The following RMDN2 variants were observed in gnomAD, a reference collection of about 807,000 sequenced individuals.
The protein encoded by RMDN2 is regulator of microtubule dynamics protein 2.
Under a neutral mutation model 52.8 loss-of-function variants are expected in RMDN2, and 61 were observed. That is an observed-to-expected ratio of 1.16 (90% confidence interval 0.94 to 1.43). RMDN2 has a LOEUF of 1.43. RMDN2 is among the 40% of genes most tolerant of loss of function. RMDN2 has a pLI of 0.00. For synonymous variants in RMDN2, 180 were observed against 153.1 expected (o/e 1.18, Z -1.30); for missense variants, 592 against 475.3 (o/e 1.25, Z -2.28).
intron 2 of RMDN2, among the ~76,000 whole-genome samples, chr2:37,963,418 A>T (rs1184267918): frequency 6.6e-6 from 1 of 151,466 alleles, no homozygotes; most frequent in Non-Finnish European, 1.5e-5. Flanking sequence ...CAGCAGATAA[A>T]CAAGTGAACA....
intron 2 of RMDN2, among the ~76,000 whole-genome samples, chr2:37,965,470 T>G (rs1670916777): frequency 6.6e-6 from 1 of 152,024 alleles, no homozygotes; most frequent in South Asian, 2.1e-4. Context: ...TCATACCAAC[T>G]TAATTTTAAT....
At chr2:37,992,053 C>A (rs959521353) in intron 7 of RMDN2, among the ~76,000 whole-genome samples, 4 of 152,182 alleles carry the variant, frequency 2.6e-5, no homozygotes, top group African/African-American at 7.2e-5. Context: ...TTTTATTGAA[C>A]ACCTGCTCTA....
At chr2:37,968,607 C>T (rs1257412590) in intron 2 of RMDN2, among the ~76,000 whole-genome samples, 1 of 152,122 alleles carries the variant, frequency 6.6e-6, no homozygotes, top group African/African-American at 2.4e-5. Flanking sequence ...TGCAACTCTG[C>T]TTTCAGAGAT....
rs376136186 is a variant in RMDN2 at position 37,940,979 on chromosome 2, T to G, written c.452+11250T>G. 5.3e-5 allele frequency among the ~76,000 whole-genome samples: 8 copies of G among 152,312 alleles called. No homozygotes were observed. The South Asian group carries it at 1.0e-3, about 20-fold the overall frequency. On this transcript the variant is annotated intron_variant, in intron 2 of 10. Transcript: ENST00000354545. ...TTTGGATGAGAAGAGTCATTCTGGT[T>G]TTTGGAATTTTCAGCCTATTGGCAC...
chr2:38,018,049 A>G (rs1462031893), downstream of RMDN2, among the ~76,000 whole-genome samples: 1 of 152,096 alleles, frequency 6.6e-6, no homozygotes, highest in African/African-American at 2.4e-5. Flanking sequence ...GGCTATTTTC[A>G]CTTCTTTTGT....
At chr2:37,975,935 C>T (rs574186952) in intron 4 of RMDN2, among the ~76,000 whole-genome samples, 14 of 152,186 alleles carry the variant, frequency 9.2e-5, no homozygotes, top group African/African-American at 3.4e-4. Flanking sequence ...AAAACTTAGA[C>T]AAGAAATGTA....
intron 7 of RMDN2, among the ~76,000 whole-genome samples, chr2:37,993,322 G>T (rs1223020040): frequency 1.3e-5 from 2 of 152,160 alleles, no homozygotes; most frequent in Non-Finnish European, 2.9e-5. Flanking sequence ...GGAAGAGGAA[G>T]TTGGAACTCT....
At chr2:37,988,885 A>G (rs891480914) in intron 5 of RMDN2, among the ~76,000 whole-genome samples, 3 of 152,188 alleles carry the variant, frequency 2.0e-5, no homozygotes, top group African/African-American at 7.2e-5. Flanking sequence ...ATTTGTATAA[A>G]TTTTTGTATT....
chr2:37,929,803 A>G, intron 2 of RMDN2, 74 bp downstream of exon 2: 1 of 1,022,408 alleles, frequency 9.8e-7, no homozygotes, highest in East Asian at 2.6e-5. Context: ...TATTTTCATT[A>G]TGGGTTCCAG....
At chr2:38,003,295 G>GT (rs1262418008) in intron 8 of RMDN2, among the ~76,000 whole-genome samples, 3 of 152,292 alleles carry the variant, frequency 2.0e-5, no homozygotes, top group Non-Finnish European at 4.4e-5. Flanking sequence ...GCTCATGCCT[G>GT]TAATCCCAGC....
chr2:37,988,092 A>G (rs543304743), intron 5 of RMDN2, among the ~76,000 whole-genome samples: 5 of 152,298 alleles, frequency 3.3e-5, no homozygotes, highest in South Asian at 2.1e-4. Context: ...GCTATAATGT[A>G]GGGGCTAGGA....
chr2:38,010,060 G>A (rs149481451), intron 10 of RMDN2, among the ~76,000 whole-genome samples: 2 of 152,158 alleles, frequency 1.3e-5, no homozygotes, highest in Non-Finnish European at 2.9e-5. Flanking sequence ...CTGCCTGATC[G>A]TTCCTCTGGA....
intron 7 of RMDN2, among the ~76,000 whole-genome samples, chr2:37,996,471 A>C (rs937208293): frequency 4.0e-5 from 6 of 151,730 alleles, no homozygotes; most frequent in African/African-American, 1.5e-4. Flanking sequence ...TGTAGTTCCA[A>C]CTGTTCAGGA....
intron 2 of RMDN2, among the ~76,000 whole-genome samples, chr2:37,955,844 G>A (rs1232860185): frequency 6.6e-6 from 1 of 152,012 alleles, no homozygotes; most frequent in Admixed American, 6.6e-5. Context: ...ACTAATACAG[G>A]TATATTACAT....
intron 10 of RMDN2, among the ~76,000 whole-genome samples, chr2:38,050,099 A>T (rs1681496390): frequency 6.6e-6 from 1 of 152,166 alleles, no homozygotes; most frequent in Non-Finnish European, 1.5e-5. Context: ...CACTTGCACA[A>T]ATTCCCACAT....
downstream of RMDN2, among the ~76,000 whole-genome samples, chr2:38,021,388 C>G (rs939961964): frequency 6.6e-6 from 1 of 152,176 alleles, no homozygotes; most frequent in African/African-American, 2.4e-5. Context: ...TGGGGTCCCC[C>G]TCTGCACTGT....
intron 2 of RMDN2, among the ~76,000 whole-genome samples, chr2:37,933,444 G>A (rs895661165): frequency 2.2e-4 from 34 of 152,344 alleles, no homozygotes; most frequent in African/African-American, 7.9e-4. Context: ...AGGTTGTAGC[G>A]AGCCGAGATC....
At chr2:38,062,260 A>T (rs554687301) in intron 10 of RMDN2, among the ~76,000 whole-genome samples, 44 of 152,274 alleles carry the variant, frequency 2.9e-4, no homozygotes, top group African/African-American at 1.1e-3. Flanking sequence ...ACAACCACTG[A>T]TCTACTCTTC....
intron 5 of RMDN2, among the ~76,000 whole-genome samples, chr2:37,984,201 G>T (rs1052196444): frequency 1.3e-5 from 2 of 152,068 alleles, no homozygotes; most frequent in Admixed American, 1.3e-4. Flanking sequence ...TAACTTTAAG[G>T]CTGTATATGC....
Sources: gnomAD v4.1 joint callset for allele counts (sites outside exome capture counted in the v4.1 genomes callset) on GRCh38, gnomAD v4.1.1 for gene constraint, MANE v1.5 for transcripts, NCBI Gene and HGNC (gene_info 2026-07-23, HGNC 2026-07-21) for gene names.